SNX30: variants seen among roughly 807,000 people sequenced by gnomAD.
SNX30 encodes the protein sorting nexin-30.
SNX30 carries 24 observed loss-of-function variants against 46.4 expected under a neutral mutation model. The ratio of observed to expected loss-of-function variants is 0.52; its 90% CI spans 0.37 to 0.73. The LOEUF (loss-of-function observed/expected upper bound fraction) is 0.73, where lower values mean the gene tolerates loss of function less well. Ranked by LOEUF, SNX30 falls within the 30% of genes least tolerant of loss-of-function variation. The pLI is 0.00. For missense variants in SNX30, 533 were observed against 555.7 expected (o/e 0.96, Z 0.41); for synonymous variants, 189 against 211.5 (o/e 0.89, Z 0.92).
At chr9:112,817,401 C>CGTTTTTTTTTTT (rs1840414195) in intron 2 of SNX30, among the ~76,000 whole-genome samples, 1 of 46,832 alleles carries the variant, frequency 2.1e-5, no homozygotes, top group Non-Finnish European at 3.4e-5. Context: ...AAAAAACTGG[C>CGTTTTTTTTTTT]TTTTTTTTTT....
At chr9:112,752,335 G>A (rs1275518203) in intron 1 of SNX30, among the ~76,000 whole-genome samples, 1 of 152,150 alleles carries the variant, frequency 6.6e-6, no homozygotes, top group Non-Finnish European at 1.5e-5. Context: ...GCTAATGGAG[G>A]CCAGGTGCAG....
chr9:112,836,546 C>T, intron 5 of SNX30, 137 bp downstream of exon 5: 1 of 928,906 alleles, frequency 1.1e-6, no homozygotes, highest in Admixed American at 2.8e-5. Context: ...CAAAGAAATA[C>T]AAGGAGGGGA....
intron 2 of SNX30, among the ~76,000 whole-genome samples, chr9:112,817,213 A>G (rs988353222): frequency 5.9e-5 from 9 of 152,134 alleles, no homozygotes; most frequent in African/African-American, 2.2e-4. Context: ...TTGTCAGCAT[A>G]TTTAGCAGAA....
intron 6 of SNX30, among the ~76,000 whole-genome samples, chr9:112,841,706 G>T (rs890580879): frequency 6.6e-6 from 1 of 152,230 alleles, no homozygotes; most frequent in Non-Finnish European, 1.5e-5. Context: ...GATTATCAGG[G>T]TCTGTGTGGC....
intron 7 of SNX30, among the ~76,000 whole-genome samples, chr9:112,863,085 G>A (rs546524989): frequency 1.2e-4 from 19 of 152,218 alleles, no homozygotes; most frequent in East Asian, 3.9e-4. Flanking sequence ...CCATCTCCAC[G>A]TGGTCTGTGG....
At chr9:112,804,728 C>G in intron 1 of SNX30, 48 bp from the exon 2 acceptor site, 1 of 1,390,382 alleles carries the variant, frequency 7.2e-7, no homozygotes, top group Non-Finnish European at 9.3e-7. Context: ...TGCTGATACT[C>G]TCCAGTATGT....
intron 5 of SNX30, among the ~76,000 whole-genome samples, chr9:112,880,908 C>T (rs1841568296): frequency 6.6e-6 from 1 of 152,104 alleles, no homozygotes; most frequent in African/African-American, 2.4e-5. Flanking sequence ...CTGAACTTCT[C>T]CATTTCCCAT....
chr9:112,879,536 A>T (rs1841552446), downstream of SNX30: 2 of 511,678 alleles, frequency 3.9e-6, no homozygotes, highest in Non-Finnish European at 7.1e-6. Flanking sequence ...TGTCTGCCTA[A>T]TGGGGGTGTC....
In SNX30 at chr9:112,838,674, A is replaced by G; in HGVS notation, c.991A>G (p.Ile331Val). 1 of 1,614,072 alleles carries G rather than the reference A, an allele frequency of 6.2e-7. No individual in the cohort carries two copies. The highest frequency in any genetic ancestry group is 8.5e-7 in the Non-Finnish European group (1 of 1,179,964). The change falls in exon 6 of 9, where the codon ATT becomes GTT. Residue 331 changes from isoleucine (I) to valine (V), a missense_variant. Ile to Val is a conservative substitution (Grantham distance 29, BLOSUM62 3). Transcript: ENST00000374232. ...EDFLPVLREY[I>V]LYSDSMKSVL... ...CTTCCTACCTGTGCTCAGGGAATAT[A>G]TTTTATACTCTGACTCCATGAAGGT... is the stretch of plus-strand genomic sequence containing the variant.
At chr9:112,793,805 T>G (rs77511222) in intron 1 of SNX30, among the ~76,000 whole-genome samples, 3,745 of 108,594 alleles carry the variant, frequency 0.034, 157 homozygotes, top group African/African-American at 0.14. Context: ...CTGTTTTTTG[T>G]TTTTTTTTTT....
At chr9:112,762,245 G>A (rs1409154363) in intron 1 of SNX30, among the ~76,000 whole-genome samples, 1 of 152,036 alleles carries the variant, frequency 6.6e-6, no homozygotes, top group Non-Finnish European at 1.5e-5. Context: ...TTGGTGGGGG[G>A]GAAGTGGGAT....
chr9:112,818,073 G>A (rs1352085771), intron 3 of SNX30, among the ~76,000 whole-genome samples: 1 of 151,992 alleles, frequency 6.6e-6, no homozygotes, highest in Non-Finnish European at 1.5e-5. Flanking sequence ...CATTGCCACA[G>A]TTTTTCATTT....
chr9:112,825,604 A>G (rs1025218105), intron 3 of SNX30, among the ~76,000 whole-genome samples: 4 of 151,600 alleles, frequency 2.6e-5, no homozygotes, highest in Non-Finnish European at 4.4e-5. Context: ...CCCCCAATCG[A>G]TTTTTTAAGA....
intron 1 of SNX30, among the ~76,000 whole-genome samples, chr9:112,791,888 T>C (rs1840030914): frequency 6.6e-6 from 1 of 152,182 alleles, no homozygotes; most frequent in Admixed American, 6.6e-5. Context: ...TAAATTGTAT[T>C]GATAAATTTC....
chr9:112,879,461 C>G (rs1841551730), downstream of SNX30: 2 of 297,288 alleles, frequency 6.7e-6, no homozygotes, highest in Admixed American at 4.6e-5. Flanking sequence ...CTCACAGGGC[C>G]TGGGACTGCT....
chr9:112,770,047 C>T (rs1398792031), intron 1 of SNX30, among the ~76,000 whole-genome samples: 1 of 152,150 alleles, frequency 6.6e-6, no homozygotes, highest in Non-Finnish European at 1.5e-5. Flanking sequence ...GTACCAGCCG[C>T]CTGACTCGTC....
At chr9:112,881,416 A>C (rs1841575922) in intron 5 of SNX30, 1 of 152,286 alleles carries the variant, frequency 6.6e-6, no homozygotes. Flanking sequence ...CTTAAGACTC[A>C]TTGTATTACA....
chr9:112,761,377 G>T (rs1839433696), intron 1 of SNX30, among the ~76,000 whole-genome samples: 1 of 152,124 alleles, frequency 6.6e-6, no homozygotes, highest in South Asian at 2.1e-4. Flanking sequence ...TGGCTAGGCT[G>T]GTCTCAAACT....
intron 3 of SNX30, among the ~76,000 whole-genome samples, chr9:112,828,446 G>C (rs1840610656): frequency 2.0e-5 from 3 of 151,730 alleles, no homozygotes; most frequent in African/African-American, 4.8e-5. Flanking sequence ...TGATGAAATT[G>C]CCTGACAATG....
Sources: allele counts gnomAD v4.1 joint callset (sites outside exome capture counted in the v4.1 genomes callset), GRCh38; gene constraint gnomAD v4.1.1; transcripts MANE v1.5; gene names NCBI Gene and HGNC (gene_info 2026-07-23, HGNC 2026-07-21).